Variants in ABCB7 observed in about 807,000 individuals in gnomAD.
ABCB7 encodes iron-sulfur clusters transporter ABCB7, mitochondrial.
In ABCB7, 7 loss-of-function variants were observed where a neutral mutation model predicts 54.4. The observed-to-expected ratio is 0.13, with a 90% confidence interval of 0.07 to 0.24. The LOEUF (loss-of-function observed/expected upper bound fraction) is 0.24. Among genes scored for constraint, ABCB7 ranks in the 10% least tolerant of loss-of-function variants. The pLI, the probability that ABCB7 is intolerant of heterozygous loss-of-function variation, is 1.00. For synonymous variants in ABCB7, 218 were observed against 207.1 expected (o/e 1.05, Z -0.45); for missense variants, 356 against 570.4 (o/e 0.62, Z 3.83).
chrX:75,104,473 A>G (rs1379934410), intron 3 of ABCB7, among the ~76,000 whole-genome samples: 2 of 109,751 alleles, frequency 1.8e-5, no homozygotes, highest in Non-Finnish European at 3.8e-5. Context: ...GAAATGTACA[A>G]CCTCCCAAGA....
intron 4 of ABCB7, among the ~76,000 whole-genome samples, chrX:75,088,878 A>AAC (rs2081522760): frequency 6.4e-5 from 7 of 109,129 alleles, no homozygotes; most frequent in African/African-American, 2.0e-4. Flanking sequence ...ACAACAACAA[A>AAC]AAAAAAACTC....
chrX:75,137,506 C>A (rs1487908663), intron 1 of ABCB7, among the ~76,000 whole-genome samples: 1 of 112,227 alleles, frequency 8.9e-6, no homozygotes, highest in Admixed American at 9.4e-5. Flanking sequence ...AATTACCATT[C>A]GATCCAGCAA....
chrX:75,057,936 G>A (rs1470524885), intron 15 of ABCB7, among the ~76,000 whole-genome samples: 1 of 110,465 alleles, frequency 9.1e-6, no homozygotes. Flanking sequence ...TTGATTTTCA[G>A]TTAATCTCTC....
intron 4 of ABCB7, among the ~76,000 whole-genome samples, chrX:75,087,744 T>C (rs190439154): frequency 6.2e-5 from 7 of 112,240 alleles, no homozygotes; most frequent in African/African-American, 2.3e-4. Context: ...AGTTTGAAAG[T>C]ATAAACATGG....
At chrX:75,118,635 G>C (rs1180386000) in intron 1 of ABCB7, among the ~76,000 whole-genome samples, 1 of 111,149 alleles carries the variant, frequency 9.0e-6, no homozygotes, top group African/African-American at 3.3e-5. Flanking sequence ...TTTACTTTTG[G>C]GGGGGTGACA....
chrX:75,133,809 C>A (rs2081991263), intron 1 of ABCB7, among the ~76,000 whole-genome samples: 1 of 111,906 alleles, frequency 8.9e-6, no homozygotes, highest in Non-Finnish European at 1.9e-5. Context: ...ACCAGGCCTG[C>A]CTTAACAAGA....
At chrX:75,090,423 A>T (rs1269271219) in intron 4 of ABCB7, among the ~76,000 whole-genome samples, 5 of 111,318 alleles carry the variant, frequency 4.5e-5, no homozygotes, top group Non-Finnish European at 9.5e-5. Flanking sequence ...GAGAAATTTT[A>T]AAATATTTTG....
chrX:75,070,458 C>G lies in ABCB7; in HGVS notation c.1272G>C (p.Leu424=). The part of the protein sequence containing the change: ...NGLLFQLSLP[L]NFLGTVYRET... ...CTCTATATACAGTTCCCAGAAAGTT[C>G]AGGGGTAATGAAAGCTGAAAAAGCA... The change falls in exon 10 of 16, where the codon CTG becomes CTC. Residue 424 remains leucine (L), a synonymous_variant. Transcript: ENST00000373394. The G allele has an allele frequency of 8.3e-7, 1 of 1,210,153 alleles. No individual in the cohort carries two copies. The highest frequency in any genetic ancestry group is 1.1e-6 in the Non-Finnish European group (1 of 894,642).
intron 2 of ABCB7, among the ~76,000 whole-genome samples, chrX:75,113,772 A>C (rs1396127257): frequency 1.8e-5 from 2 of 112,233 alleles, no homozygotes; most frequent in African/African-American, 6.5e-5. Context: ...AAGCTATGAA[A>C]ATGGAGTTAC....
intron 4 of ABCB7, among the ~76,000 whole-genome samples, chrX:75,077,220 CCATT>C (rs2147473084): frequency 8.9e-6 from 1 of 112,025 alleles, no homozygotes; most frequent in East Asian, 2.8e-4. Flanking sequence ...GGCTGATTCA[CCATT>C]TGAAAAAACA....
chrX:75,129,920 A>G (rs1339829815), intron 1 of ABCB7, among the ~76,000 whole-genome samples: 1 of 110,786 alleles, frequency 9.0e-6, no homozygotes, highest in African/African-American at 3.3e-5. Context: ...ACATTATCTC[A>G]TTTCATTCTC....
intron 4 of ABCB7, among the ~76,000 whole-genome samples, chrX:75,094,470 T>A (rs1248042258): frequency 8.9e-6 from 1 of 112,010 alleles, no homozygotes; most frequent in East Asian, 2.8e-4. Flanking sequence ...CCCAACACTC[T>A]GGGAGGCTGA....
chrX:75,145,257 A>T (rs2082083294), intron 1 of ABCB7, among the ~76,000 whole-genome samples: 1 of 111,049 alleles, frequency 9.0e-6, no homozygotes, highest in South Asian at 3.8e-4. Context: ...TCATACCAAA[A>T]CTTGGCAGAG....
intron 1 of ABCB7, among the ~76,000 whole-genome samples, chrX:75,139,569 A>C (rs2082039683): frequency 8.9e-6 from 1 of 111,974 alleles, no homozygotes; most frequent in East Asian, 2.8e-4. Context: ...ATGGTTCTGA[A>C]CTGTTCTTGA....
intron 1 of ABCB7, among the ~76,000 whole-genome samples, chrX:75,153,071 GTTGT>G (rs964047061): frequency 1.6e-4 from 18 of 109,488 alleles, no homozygotes; most frequent in African/African-American, 6.0e-4. Flanking sequence ...TTTTGTTGTT[GTTGT>G]TTGTTTGTTT....
chrX:75,066,611 T>C (rs2081320469), intron 12 of ABCB7, among the ~76,000 whole-genome samples: 1 of 111,185 alleles, frequency 9.0e-6, no homozygotes, highest in Non-Finnish European at 1.9e-5. Flanking sequence ...TCTACAGTAA[T>C]ATAATTATCT....
intron 4 of ABCB7, among the ~76,000 whole-genome samples, chrX:75,079,653 G>A (rs1007391709): frequency 6.3e-5 from 7 of 111,652 alleles, no homozygotes; most frequent in Non-Finnish European, 9.4e-5. Context: ...GCACATTACC[G>A]TTAACTACTG....
chrX:75,087,425 T>C (rs1332120766), intron 4 of ABCB7, among the ~76,000 whole-genome samples: 1 of 112,477 alleles, frequency 8.9e-6, no homozygotes, highest in Middle Eastern at 4.6e-3. Flanking sequence ...AATTATTTTA[T>C]ATTGTATACA....
chrX:75,080,128 T>C (rs1217653262), intron 4 of ABCB7, among the ~76,000 whole-genome samples: 1 of 112,274 alleles, frequency 8.9e-6, no homozygotes, highest in Non-Finnish European at 1.9e-5. Flanking sequence ...AAGGACATTT[T>C]GGTTGTTTCC....
Sources: allele counts gnomAD v4.1 joint callset (sites outside exome capture counted in the v4.1 genomes callset), GRCh38; gene constraint gnomAD v4.1.1; transcripts MANE v1.5; gene names NCBI Gene and HGNC (gene_info 2026-07-23, HGNC 2026-07-21).